CLNS1A: variants seen among roughly 807,000 people sequenced by gnomAD.
CLNS1A encodes the protein chloride nucleotide-sensitive channel 1A, also known as methylosome subunit pICln.
CLNS1A carries 16 observed loss-of-function variants against 29.4 expected under a neutral mutation model. The observed-to-expected ratio is 0.54, with a 90% CI of 0.37 to 0.83. The LOEUF (loss-of-function observed/expected upper bound fraction) is 0.83, where lower values mean the gene tolerates loss of function less well. Among genes scored for constraint, CLNS1A ranks in the 40% least tolerant of loss-of-function variants. CLNS1A has a pLI of 0.00. For synonymous variants in CLNS1A, 96 were observed against 104.8 expected (o/e 0.92, Z 0.51); for missense variants, 235 against 287.4 (o/e 0.82, Z 1.32).
At chr11:77,635,064 C>T (rs1399219819) in intron 1 of CLNS1A, among the ~76,000 whole-genome samples, 1 of 152,148 alleles carries the variant, frequency 6.6e-6, no homozygotes, top group Non-Finnish European at 1.5e-5. Context: ...CTTGGCCTTC[C>T]GAAGTGCTGC....
At chr11:77,631,777 A>G (rs1959077313) in intron 1 of CLNS1A, among the ~76,000 whole-genome samples, 1 of 150,256 alleles carries the variant, frequency 6.7e-6, no homozygotes, top group Non-Finnish European at 1.5e-5. Flanking sequence ...TCACTCTGTC[A>G]CCCAGGCTGG....
Position 77,614,832 on chromosome 11 carries a change from A to G in CLNS1A, c.*1886T>C, listed in dbSNP as rs1020581675. On this transcript the variant is annotated 3_prime_UTR_variant, in exon 7 of 7. Transcript: ENST00000525428. ...TCCAGCAACCCTAAAATTAGGCTCA[A>G]ATGAAATCAATAAATATTGTCTGGC... 4 of 152,240 alleles carry G rather than the reference A, an allele frequency of 2.6e-5. No individual in the cohort carries two copies. Among genetic ancestry groups the G allele is most frequent in the Non-Finnish European group, 5.9e-5 (4 of 68,042 alleles). The allele number at this position is 152,240 out of a possible 1,614,324, so 9.4% of individuals were successfully genotyped here.
chr11:77,629,908 C>T lies in CLNS1A; in HGVS notation c.126-9G>A, dbSNP rs1403604648. 6 of 1,613,644 alleles carry T rather than the reference C, an allele frequency of 3.7e-6. No individual in the cohort carries two copies. The East Asian group carries it at 1.3e-4, about 36-fold the overall frequency. On this transcript the variant is annotated splice_polypyrimidine_tract_variant and intron_variant, in intron 1 of 6. Transcript: ENST00000525428. ...CTAACCAAGACAGGCGGCTGAAAAA[C>T]ATGTTTTAAGTAGATTATTTTTAGA... is the stretch of plus-strand genomic sequence containing the variant.
At chr11:77,620,217 AG>A (rs1449531939) in intron 5 of CLNS1A, among the ~76,000 whole-genome samples, 2 of 152,092 alleles carry the variant, frequency 1.3e-5, no homozygotes, top group Non-Finnish European at 2.9e-5. Context: ...ATCTGGTGGG[AG>A]GTAACTGAAT....
At chr11:77,617,080 T>G (rs983246430) in intron 6 of CLNS1A, among the ~76,000 whole-genome samples, 43 of 152,166 alleles carry the variant, frequency 2.8e-4, no homozygotes, top group Non-Finnish European at 1.0e-4. Flanking sequence ...GATTAAAAAT[T>G]TACACAGCCA....
At chr11:77,626,312 G>C (rs866352524) in intron 2 of CLNS1A, among the ~76,000 whole-genome samples, 12 of 151,940 alleles carry the variant, frequency 7.9e-5, no homozygotes, top group African/African-American at 2.7e-4. Flanking sequence ...GAAACTCCTG[G>C]GCTCAAGTGA....
intron 6 of CLNS1A, among the ~76,000 whole-genome samples, chr11:77,617,495 T>C (rs913804940): frequency 4.0e-5 from 6 of 150,622 alleles, no homozygotes; most frequent in Non-Finnish European, 7.4e-5. Flanking sequence ...TGAACCAAGT[T>C]GCGCCACTGC....
chr11:77,634,263 T>C (rs1959101766), intron 1 of CLNS1A, among the ~76,000 whole-genome samples: 1 of 152,174 alleles, frequency 6.6e-6, no homozygotes, highest in East Asian at 1.9e-4. Context: ...CACCAAAGCC[T>C]AAAGGCTATA....
rs1959056475 is a variant in CLNS1A, at chr11:77,629,773, G to C, written c.252C>G (p.Ala84=). Residue 84 remains alanine (A), a synonymous_variant, in exon 2 of 7, where the codon GCC becomes GCG. Coordinates refer to ENST00000525428, the MANE Select transcript of CLNS1A (RefSeq NM_001293.3). ...LGEHLYVMVN[A]KFEEESKEPV... ...TTACACCATACATACCTTCAAATTT[G>C]GCATTCACCATAACATACAAATGCT... The C allele has an allele frequency of 1.2e-6, 2 of 1,612,160 alleles. No homozygotes were observed. The highest frequency in any genetic ancestry group is 1.3e-5 in the African/African-American group (1 of 74,830).
chr11:77,630,942 G>A (rs760812140), intron 1 of CLNS1A, among the ~76,000 whole-genome samples: 7 of 152,130 alleles, frequency 4.6e-5, no homozygotes, highest in Non-Finnish European at 1.0e-4. Flanking sequence ...AAAAACTAGT[G>A]AATTGTATGT....
At chr11:77,627,512 G>T (rs1303392655) in intron 2 of CLNS1A, among the ~76,000 whole-genome samples, 1 of 151,062 alleles carries the variant, frequency 6.6e-6, no homozygotes, top group Non-Finnish European at 1.5e-5. Flanking sequence ...CTAATTTCTA[G>T]TAAGATAGGA....
chr11:77,636,373 C>T (rs1010298005), intron 1 of CLNS1A, among the ~76,000 whole-genome samples: 16 of 152,054 alleles, frequency 1.1e-4, no homozygotes, highest in African/African-American at 3.6e-4. Flanking sequence ...CGGCCCAACA[C>T]GGTCATATGT....
Position 77,622,627 on chromosome 11 carries a change from T to C in CLNS1A, c.519A>G (p.Gly173=). ...DIPTFYTYEE[G]LSHLTAEGQA... ...GGCCTTCTGCTGTTAGATGGGATAA[T>C]CCTTCTTCATAGGTGTAAAATGTAG... Residue 173 remains glycine, a synonymous_variant, in exon 5 of 7, where the codon GGA becomes GGG. Coordinates refer to ENST00000525428, the MANE Select transcript of CLNS1A (RefSeq NM_001293.3). 6.2e-7 allele frequency: 1 copy of C among 1,612,938 alleles called. No homozygotes were observed. Among genetic ancestry groups the C allele is most frequent in the Non-Finnish European group, 8.5e-7 (1 of 1,179,628 alleles).
At chr11:77,619,391 T>G (rs1958934641) in intron 6 of CLNS1A, 1 of 468,432 alleles carries the variant, frequency 2.1e-6, no homozygotes, top group African/African-American at 2.3e-5. Context: ...ATAAGCTGGG[T>G]GTGGTAAGCA....
At chr11:77,631,943 G>A (rs1468722032) in intron 1 of CLNS1A, among the ~76,000 whole-genome samples, 1 of 151,868 alleles carries the variant, frequency 6.6e-6, no homozygotes, top group African/African-American at 2.4e-5. Context: ...TTGCCATGAC[G>A]GCCAGGCTGG....
intron 4 of CLNS1A, among the ~76,000 whole-genome samples, chr11:77,624,191 G>A (rs1958991882): frequency 6.6e-6 from 1 of 152,188 alleles, no homozygotes; most frequent in African/African-American, 2.4e-5. Flanking sequence ...TTTGAGTCCA[G>A]CAGGCAGAGG....
At chr11:77,619,044 A>G (rs111863938) in intron 6 of CLNS1A, among the ~76,000 whole-genome samples, 6 of 152,332 alleles carry the variant, frequency 3.9e-5, no homozygotes, top group African/African-American at 1.2e-4. Flanking sequence ...CAATTTAACA[A>G]CAGCTTATAA....
chr11:77,630,554 C>A (rs1455906474), intron 1 of CLNS1A, among the ~76,000 whole-genome samples: 1 of 152,126 alleles, frequency 6.6e-6, no homozygotes, highest in Non-Finnish European at 1.5e-5. Context: ...GAGACAGATT[C>A]CCTGAAGCCT....
chr11:77,631,397 T>G (rs1009088333), intron 1 of CLNS1A, among the ~76,000 whole-genome samples: 43 of 151,192 alleles, frequency 2.8e-4, no homozygotes, highest in African/African-American at 1.0e-3. Flanking sequence ...CTCGGCTCGC[T>G]GCAAGCTCCG....
Sources: allele counts gnomAD v4.1 joint callset (sites outside exome capture counted in the v4.1 genomes callset), GRCh38; gene constraint gnomAD v4.1.1; transcripts MANE v1.5; gene names NCBI Gene and HGNC (gene_info 2026-07-23, HGNC 2026-07-21).